The following ZBTB44 variants were observed in gnomAD, a reference collection of about 807,000 sequenced individuals.
ZBTB44 encodes zinc finger and BTB domain-containing protein 44.
In ZBTB44, 15 loss-of-function variants were observed where a neutral mutation model predicts 54.0. The observed-to-expected ratio is 0.28, with a 90% CI of 0.19 to 0.43. The LOEUF is 0.43. Among genes scored for constraint, ZBTB44 ranks in the 20% least tolerant of loss-of-function variants. The pLI is 1.00. For synonymous variants in ZBTB44, 230 were observed against 250.1 expected, an observed-to-expected ratio of 0.92 and a Z score of 0.76; for missense variants, 487 against 707.1, an observed-to-expected ratio of 0.69 and a Z score of 3.53.
chr11:130,237,024 C>T lies in ZBTB44; in HGVS notation c.1337G>A (p.Arg446His), dbSNP rs756494582. Residue 446 changes from arginine to histidine, a missense_variant, in exon 5 of 8, where the codon CGC becomes CAC. Physicochemically the swap from Arg to His is conservative, Grantham distance 29. Around this residue, in one of 3 missense-constraint regions of ZBTB44, gnomAD observed 120 missense variants for 240.3 expected, o/e 0.50. Transcript: ENST00000357899. ...ACAGCGTTTACCTTCATGCTTTAGG[C>T]GATGCATCTTTAGCGAGTAAGCCCT... ...FTRAYSLKMH[R>H]LKHEGKRCFR... 1 of 1,609,732 alleles carries T rather than the reference C, an allele frequency of 6.2e-7. No individual in the cohort carries two copies. Among genetic ancestry groups the T allele is most frequent in the Non-Finnish European group, 8.5e-7 (1 of 1,178,126 alleles).
At chr11:130,310,804 G>C (rs997952504) in intron 1 of ZBTB44, among the ~76,000 whole-genome samples, 1 of 151,970 alleles carries the variant, frequency 6.6e-6, no homozygotes, top group African/African-American at 2.4e-5. Flanking sequence ...GTGCAATGGC[G>C]CAATCTTGGC....
At position 130,262,420 on chromosome 11, in the gene ZBTB44, T is replaced by C. The variant is rs1419666688; in HGVS notation, c.-56-491A>G. ...TCCCAAAGTGCTGGGATTACAGGTG[T>C]GAGCCACCATGCCCGGCCTGTGAAC... On this transcript the variant is annotated intron_variant, in intron 1 of 7. Transcript: ENST00000357899. Among the ~76,000 whole-genome samples the C allele has an allele frequency of 3.9e-5, 6 of 152,146 alleles. No individual in the cohort carries two copies. The East Asian group carries it at 1.2e-3, about 29-fold the overall frequency.
intron 1 of ZBTB44, among the ~76,000 whole-genome samples, chr11:130,299,116 C>T (rs1466481472): frequency 1.3e-5 from 2 of 151,656 alleles, no homozygotes; most frequent in East Asian, 3.9e-4. Flanking sequence ...GGGCAATCAT[C>T]GTCACCACAT....
intron 1 of ZBTB44, chr11:130,285,384 CG>C (rs1940885837): frequency 6.6e-6 from 1 of 151,790 alleles, no homozygotes; most frequent in African/African-American, 2.4e-5. Context: ...CTCCGCTTCC[CG>C]GGTTCAAGTG....
chr11:130,245,956 T>C (rs901851445), intron 2 of ZBTB44, among the ~76,000 whole-genome samples: 1 of 152,206 alleles, frequency 6.6e-6, no homozygotes, highest in Non-Finnish European at 1.5e-5. Context: ...CATTCTAAAA[T>C]GTCTAGATCC....
Position 130,285,698 on chromosome 11 carries a change from T to C in ZBTB44, c.-56-23769A>G, listed in dbSNP as rs1940909949. 4 of 270,736 alleles carry C rather than the reference T, an allele frequency of 1.5e-5. No individual in the cohort carries two copies. In the South Asian group the frequency reaches 2.1e-4, roughly 14 times the overall value. The allele number at this position is 270,736 out of a possible 1,614,324, so 16.8% of individuals were successfully genotyped here. ...CTACAATTCTTTTCTCTTGAATAGT[T>C]TGTCCTCACCTCTCCAGTTCTTGTA... On this transcript the variant is annotated intron_variant, in intron 1 of 7. Transcript: ENST00000357899.
intron 2 of ZBTB44, among the ~76,000 whole-genome samples, chr11:130,252,015 T>A (rs927548183): frequency 1.3e-5 from 2 of 152,138 alleles, no homozygotes; most frequent in African/African-American, 4.8e-5. Flanking sequence ...TGTGCTGTGT[T>A]CAGGAGACCT....
chr11:130,254,949 T>C (rs1938314053), intron 2 of ZBTB44, among the ~76,000 whole-genome samples: 2 of 151,830 alleles, frequency 1.3e-5, no homozygotes, highest in Non-Finnish European at 2.9e-5. Context: ...CTGGAAACCA[T>C]CATTCTCAGC....
chr11:130,302,359 C>T (rs948509294), intron 1 of ZBTB44, among the ~76,000 whole-genome samples: 7 of 151,764 alleles, frequency 4.6e-5, no homozygotes, highest in African/African-American at 9.7e-5. Context: ...AAACTAGTGG[C>T]GGAAAGTAGA....
chr11:130,295,973 C>T (rs570294972), intron 1 of ZBTB44: 2 of 1,543,336 alleles, frequency 1.3e-6, no homozygotes, highest in East Asian at 2.3e-5. Context: ...GTGGCCACAC[C>T]AGGCCGTCTG....
intron 2 of ZBTB44, among the ~76,000 whole-genome samples, chr11:130,259,462 C>G (rs1414466216): frequency 6.6e-6 from 1 of 152,190 alleles, no homozygotes; most frequent in African/African-American, 2.4e-5. Flanking sequence ...GGTATACACC[C>G]AAAGGATTAT....
At chr11:130,311,676 G>C (rs539773385) in intron 1 of ZBTB44, among the ~76,000 whole-genome samples, 8 of 152,162 alleles carry the variant, frequency 5.3e-5, no homozygotes, top group South Asian at 4.1e-4. Context: ...AAAGCACCTA[G>C]AAGCAATGAT....
rs148062242 is a variant in ZBTB44 at position 130,280,989 on chromosome 11, C to T, written c.-56-19060G>A. On this transcript the variant is annotated intron_variant, in intron 1 of 7. Transcript: ENST00000357899. ...ACTATCTCTAGGTTTTTTGTAATTGCCCTTTGCCAGGTTGGGGAAGTTCTC... is the reference window on the plus strand; with the variant it reads ...ACTATCTCTAGGTTTTTTGTAATTGTCCTTTGCCAGGTTGGGGAAGTTCTC... 4.5e-4 allele frequency among the ~76,000 whole-genome samples: 69 copies of T among 152,168 alleles called. 1 individual carries two copies. In the East Asian group the frequency reaches 7.1e-3, roughly 16 times the overall value.
intron 1 of ZBTB44, among the ~76,000 whole-genome samples, chr11:130,306,008 T>C (rs1045692857): frequency 6.6e-6 from 1 of 152,134 alleles, no homozygotes; most frequent in African/African-American, 2.4e-5. Flanking sequence ...TGAAAAAATG[T>C]TTAACATCCC....
chr11:130,303,069 C>T lies in ZBTB44; in HGVS notation c.-57+11306G>A, dbSNP rs571682945. Among the ~76,000 whole-genome samples, 8 of 152,136 alleles carry T rather than the reference C, an allele frequency of 5.3e-5. No homozygotes were observed. The East Asian group carries it at 1.4e-3, about 26-fold the overall frequency. On this transcript the variant is annotated intron_variant, in intron 1 of 7. Transcript: ENST00000357899. The stretch of plus-strand genomic sequence containing the variant: ...TTCTTTATTTTCTTATCAAAGAGCA[C>T]GATTATTTAATAAAATACACTATTG...
At chr11:130,306,061 A>G (rs1942248094) in intron 1 of ZBTB44, among the ~76,000 whole-genome samples, 1 of 152,206 alleles carries the variant, frequency 6.6e-6, no homozygotes, top group Admixed American at 6.5e-5. Context: ...ATTAGATACT[A>G]CCTTACTCCT....
At chr11:130,311,834 C>G (rs942399042) in intron 1 of ZBTB44, among the ~76,000 whole-genome samples, 1 of 152,120 alleles carries the variant, frequency 6.6e-6, no homozygotes, top group Non-Finnish European at 1.5e-5. Flanking sequence ...TAACTCGTGT[C>G]AGAAAGCACT....
intron 1 of ZBTB44, among the ~76,000 whole-genome samples, chr11:130,284,830 C>T (rs895140966): frequency 4.6e-5 from 7 of 151,982 alleles, no homozygotes; most frequent in Admixed American, 6.6e-5. Context: ...CATGCCACTA[C>T]ACTCCACAGC....
intron 2 of ZBTB44, among the ~76,000 whole-genome samples, chr11:130,258,680 A>T (rs1345127458): frequency 6.6e-6 from 1 of 152,230 alleles, no homozygotes; most frequent in Non-Finnish European, 1.5e-5. Flanking sequence ...AGACTATGTG[A>T]CACAGACTAG....
Sources: gnomAD v4.1 joint callset for allele counts (sites outside exome capture counted in the v4.1 genomes callset) on GRCh38, gnomAD v4.1.1 for gene constraint, gnomAD v4.1.1 regional missense constraint, MANE v1.5 for transcripts, NCBI Gene and HGNC (gene_info 2026-07-23, HGNC 2026-07-21) for gene names.